CSMD1: variants seen among roughly 807,000 people sequenced by gnomAD.
CSMD1 encodes CUB and Sushi multiple domains 1, also known as CUB and sushi domain-containing protein 1.
A neutral mutation model predicts 417.5 loss-of-function variants in CSMD1; 213 were observed. That is an observed-to-expected ratio of 0.51 (90% CI 0.46 to 0.57). The LOEUF is 0.57. Ranked by LOEUF, CSMD1 falls within the 20% of genes least tolerant of loss-of-function variation. CSMD1 has a pLI of 0.00. For synonymous variants in CSMD1, 2,862 were observed against 1,736.8 expected, an observed-to-expected ratio of 1.65 and a Z score of -16.11; for missense variants, 6,923 against 4,529.7, an observed-to-expected ratio of 1.53 and a Z score of -15.17.
chr8:3,927,425 G>A (rs1224597190), intron 5 of CSMD1, among the ~76,000 whole-genome samples: 2 of 152,084 alleles, frequency 1.3e-5, no homozygotes, highest in African/African-American at 4.8e-5. Flanking sequence ...CCAACACTTT[G>A]TGGTGCCGAG....
chr8:3,904,064 G>A (rs1046323496), intron 5 of CSMD1, among the ~76,000 whole-genome samples: 2 of 152,112 alleles, frequency 1.3e-5, no homozygotes, highest in South Asian at 2.1e-4. Context: ...TCCTGCAGGT[G>A]TGATATCTTC....
At chr8:2,953,465 A>G (rs1802778576) in intron 65 of CSMD1, among the ~76,000 whole-genome samples, 1 of 152,002 alleles carries the variant, frequency 6.6e-6, no homozygotes, top group African/African-American at 2.4e-5. Context: ...AAAAAAAAAA[A>G]AAACAGTGTT....
At chr8:2,953,372 AATT>A (rs1261065471) in intron 65 of CSMD1, among the ~76,000 whole-genome samples, 3 of 152,012 alleles carry the variant, frequency 2.0e-5, no homozygotes, top group African/African-American at 7.2e-5. Flanking sequence ...CTTGTCTAAG[AATT>A]AAATGTGTCA....
At chr8:3,905,135 A>G (rs1808031171) in intron 5 of CSMD1, among the ~76,000 whole-genome samples, 1 of 152,154 alleles carries the variant, frequency 6.6e-6, no homozygotes, top group African/African-American at 2.4e-5. Context: ...AAATTCAGAG[A>G]GAATCCTTCC....
chr8:3,136,471 G>C (rs964428231), intron 41 of CSMD1, among the ~76,000 whole-genome samples: 2 of 151,902 alleles, frequency 1.3e-5, no homozygotes, highest in African/African-American at 4.8e-5. Flanking sequence ...CACCATGTTG[G>C]CCAGGCTGAT....
intron 26 of CSMD1, among the ~76,000 whole-genome samples, chr8:3,256,801 G>C (rs144827849): frequency 9.2e-5 from 14 of 152,266 alleles, no homozygotes; most frequent in East Asian, 5.8e-4. Context: ...ATCTTTTCTT[G>C]TAAGAACACT....
intron 5 of CSMD1, among the ~76,000 whole-genome samples, chr8:3,969,853 T>C (rs1030565055): frequency 2.0e-5 from 3 of 152,198 alleles, no homozygotes; most frequent in African/African-American, 7.2e-5. Flanking sequence ...TATAAGTGCA[T>C]TTCTAGAAAG....
chr8:4,559,005 G>T (rs867008163), intron 2 of CSMD1, among the ~76,000 whole-genome samples: 1 of 151,948 alleles, frequency 6.6e-6, no homozygotes, highest in Non-Finnish European at 1.5e-5. Context: ...TTTCTTGATT[G>T]TACATTCATC....
chr8:3,456,214 C>A (rs540630013), intron 12 of CSMD1, among the ~76,000 whole-genome samples: 1 of 152,284 alleles, frequency 6.6e-6, no homozygotes, highest in South Asian at 2.1e-4. Flanking sequence ...TCTGTCACCC[C>A]TTTCTTTGAC....
At chr8:4,132,660 T>C (rs543419962) in intron 3 of CSMD1, among the ~76,000 whole-genome samples, 41 of 152,270 alleles carry the variant, frequency 2.7e-4, no homozygotes, top group African/African-American at 9.9e-4. Flanking sequence ...TCTTCACAAC[T>C]CATGACAAAC....
intron 47 of CSMD1, among the ~76,000 whole-genome samples, chr8:3,094,464 G>C (rs1009308576): frequency 1.3e-5 from 2 of 152,066 alleles, no homozygotes; most frequent in African/African-American, 2.4e-5. Flanking sequence ...TGTTCTCTTT[G>C]TCTAAAATGT....
chr8:4,540,881 C>T lies in CSMD1; in HGVS notation c.302+96461G>A, dbSNP rs190642558. Among the ~76,000 whole-genome samples, 183 of 152,160 alleles carry T rather than the reference C, an allele frequency of 1.2e-3. 2 individuals carry two copies. Among genetic ancestry groups the T allele is most frequent in the Non-Finnish European group, 2.4e-3 (160 of 68,002 alleles). On this transcript the variant is annotated intron_variant, in intron 2 of 69. Coordinates refer to ENST00000635120, the MANE Select transcript of CSMD1 (RefSeq NM_033225.6). Reference sequence around the variant, plus strand: ...CAGCAACACAGGAAGTCTGACTCTCCGCCACTCTGCTAGTCTGCTATTTAA... The same window carrying T: ...CAGCAACACAGGAAGTCTGACTCTCTGCCACTCTGCTAGTCTGCTATTTAA...
At chr8:3,266,286 A>T (rs957539710) in intron 26 of CSMD1, among the ~76,000 whole-genome samples, 1 of 151,346 alleles carries the variant, frequency 6.6e-6, no homozygotes, top group Non-Finnish European at 1.5e-5. Flanking sequence ...AGGCAGTAGC[A>T]CCACAGTTCT....
At chr8:4,087,684 C>T (rs1381283428) in intron 3 of CSMD1, among the ~76,000 whole-genome samples, 1 of 152,174 alleles carries the variant, frequency 6.6e-6, no homozygotes, top group East Asian at 1.9e-4. Context: ...TTCTTCCTCT[C>T]GTGTCTCTGC....
At chr8:3,908,261 G>C (rs1483513385) in intron 5 of CSMD1, among the ~76,000 whole-genome samples, 4 of 83,754 alleles carry the variant, frequency 4.8e-5, no homozygotes, top group South Asian at 6.1e-4. Flanking sequence ...AGAAAGCTGA[G>C]TCAGGTTCAT....
chr8:3,119,676 T>A (rs1445501188), intron 41 of CSMD1, among the ~76,000 whole-genome samples: 2 of 152,200 alleles, frequency 1.3e-5, no homozygotes, highest in Non-Finnish European at 1.5e-5. Flanking sequence ...GCGTGAGTAC[T>A]CAATGCAGTA....
intron 1 of CSMD1, among the ~76,000 whole-genome samples, chr8:4,710,229 C>G (rs1419817298): frequency 6.6e-6 from 1 of 151,812 alleles, no homozygotes; most frequent in East Asian, 1.9e-4. Flanking sequence ...TGCTCTTATT[C>G]AAGGTACTAT....
At chr8:3,387,424 C>A (rs942679618) in intron 18 of CSMD1, 70 bp downstream of exon 18, 6 of 1,330,586 alleles carry the variant, frequency 4.5e-6, no homozygotes, top group Non-Finnish European at 6.2e-6. Flanking sequence ...CACACACCAC[C>A]CAGCTAGTTA....
intron 10 of CSMD1, among the ~76,000 whole-genome samples, chr8:3,542,486 G>T (rs1798482062): frequency 6.6e-6 from 1 of 152,142 alleles, no homozygotes; most frequent in Non-Finnish European, 1.5e-5. Flanking sequence ...TCTCAGGCAG[G>T]GAAAAAGCAA....
Sources: allele counts gnomAD v4.1 joint callset (sites outside exome capture counted in the v4.1 genomes callset), GRCh38; gene constraint gnomAD v4.1.1; transcripts MANE v1.5; gene names NCBI Gene and HGNC (gene_info 2026-07-23, HGNC 2026-07-21).